Variants in ANKIB1 observed in about 807,000 individuals in gnomAD.
ANKIB1 encodes ankyrin repeat and IBR domain containing 1, also known as ankyrin repeat and IBR domain-containing protein 1.
Under a neutral mutation model 122.1 loss-of-function variants are expected in ANKIB1, and 43 were observed. The observed-to-expected ratio is 0.35, with a 90% confidence interval of 0.28 to 0.45. The LOEUF (loss-of-function observed/expected upper bound fraction) is 0.45. Among genes scored for constraint, ANKIB1 ranks in the 20% least tolerant of loss-of-function variants. The probability of loss-of-function intolerance (pLI) is 1.00; values close to 1 mark genes in which losing one functional copy is unlikely to be tolerated. For missense variants in ANKIB1, 992 were observed against 1,329.5 expected (o/e 0.75, Z 3.95); for synonymous variants, 390 against 442.0 (o/e 0.88, Z 1.48).
chr7:92,360,047 A>G (rs566434410), intron 9 of ANKIB1, among the ~76,000 whole-genome samples: 1 of 152,116 alleles, frequency 6.6e-6, no homozygotes, highest in Non-Finnish European at 1.5e-5. Context: ...TAAGGAAAGT[A>G]AATTACCCTT....
intron 5 of ANKIB1, among the ~76,000 whole-genome samples, chr7:92,340,193 G>T (rs540597099): frequency 6.6e-6 from 1 of 152,014 alleles, no homozygotes; most frequent in East Asian, 1.9e-4. Context: ...CTGTTTCTCT[G>T]AACTCTGAGC....
chr7:92,380,352 C>A (rs1804484323), intron 11 of ANKIB1, among the ~76,000 whole-genome samples: 1 of 152,166 alleles, frequency 6.6e-6, no homozygotes, highest in African/African-American at 2.4e-5. Context: ...ACTTTGATGT[C>A]CCTGTCCGAC....
chr7:92,330,203 G>A (rs1397962836), intron 5 of ANKIB1, among the ~76,000 whole-genome samples: 1 of 152,056 alleles, frequency 6.6e-6, no homozygotes, highest in Non-Finnish European at 1.5e-5. Context: ...GCATATATGT[G>A]TCATACACTT....
chr7:92,248,682 A>G (rs929012975), intron 1 of ANKIB1, among the ~76,000 whole-genome samples: 1 of 152,070 alleles, frequency 6.6e-6, no homozygotes, highest in Non-Finnish European at 1.5e-5. Flanking sequence ...GCCAAAAAGG[A>G]TTTGGGAGTG....
intron 1 of ANKIB1, among the ~76,000 whole-genome samples, chr7:92,287,169 G>A (rs1226381263): frequency 6.6e-6 from 1 of 152,202 alleles, no homozygotes; most frequent in African/African-American, 2.4e-5. Flanking sequence ...GTTATCAAAA[G>A]TAAGAAATTA....
intron 2 of ANKIB1, among the ~76,000 whole-genome samples, chr7:92,302,270 G>A (rs1183793878): frequency 6.6e-6 from 1 of 152,158 alleles, no homozygotes; most frequent in Non-Finnish European, 1.5e-5. Flanking sequence ...TGTAGGCAAA[G>A]GTAGATATTC....
chr7:92,354,934 A>T (rs927550857), intron 9 of ANKIB1, among the ~76,000 whole-genome samples: 1 of 152,240 alleles, frequency 6.6e-6, no homozygotes, highest in Non-Finnish European at 1.5e-5. Flanking sequence ...TGACTACAAA[A>T]ACAACAAACG....
chr7:92,377,531 T>C (rs528284617), intron 11 of ANKIB1, among the ~76,000 whole-genome samples: 28 of 152,182 alleles, frequency 1.8e-4, no homozygotes, highest in Non-Finnish European at 3.4e-4. Flanking sequence ...GTAGACCTTC[T>C]TCATGGAGGG....
At chr7:92,377,877 C>T (rs1037907948) in intron 11 of ANKIB1, among the ~76,000 whole-genome samples, 3 of 151,464 alleles carry the variant, frequency 2.0e-5, no homozygotes, top group Non-Finnish European at 4.4e-5. Flanking sequence ...GATAGTTTCA[C>T]GATAGAATTT....
At chr7:92,344,194 T>G (rs1170740661) in intron 6 of ANKIB1, among the ~76,000 whole-genome samples, 2 of 29,714 alleles carry the variant, frequency 6.7e-5, no homozygotes, top group Non-Finnish European at 1.5e-4. Flanking sequence ...GTGTTTTTGG[T>G]TTTTTTTTTT....
At chr7:92,397,959 C>A in intron 19 of ANKIB1, 100 bp downstream of exon 19, 1 of 1,442,392 alleles carries the variant, frequency 6.9e-7, no homozygotes, top group Non-Finnish European at 9.3e-7. Flanking sequence ...TTCTTCCTTC[C>A]ATTCTAAAAT....
intron 2 of ANKIB1, among the ~76,000 whole-genome samples, chr7:92,301,718 A>T (rs573794664): frequency 1.7e-4 from 26 of 152,230 alleles, no homozygotes; most frequent in Non-Finnish European, 3.2e-4. Flanking sequence ...CTTTTACATC[A>T]TGTCTAATAA....
intron 1 of ANKIB1, among the ~76,000 whole-genome samples, chr7:92,256,148 C>T (rs954624172): frequency 6.6e-6 from 1 of 152,102 alleles, no homozygotes; most frequent in African/African-American, 2.4e-5. Context: ...TTACCGTTTT[C>T]AGGAGGAATT....
chr7:92,265,506 C>T (rs1202642750), intron 1 of ANKIB1, among the ~76,000 whole-genome samples: 1 of 152,216 alleles, frequency 6.6e-6, no homozygotes, highest in African/African-American at 2.4e-5. Flanking sequence ...GAATACTATT[C>T]TAATGCAGCT....
At chr7:92,348,278 G>T (rs1433223016) in intron 7 of ANKIB1, among the ~76,000 whole-genome samples, 1 of 151,962 alleles carries the variant, frequency 6.6e-6, no homozygotes, top group Non-Finnish European at 1.5e-5. Context: ...TTTGACAAGG[G>T]ACTATACAAC....
intron 1 of ANKIB1, among the ~76,000 whole-genome samples, chr7:92,266,736 C>A (rs1434121751): frequency 6.6e-6 from 1 of 152,088 alleles, no homozygotes; most frequent in Non-Finnish European, 1.5e-5. Flanking sequence ...AGAAGCCATC[C>A]CCCAGGATCC....
chr7:92,398,961 C>G lies in ANKIB1; in HGVS notation c.*12C>G, dbSNP rs747759854. ...TACATTTAGTGTGAACTGCACACAT[C>G]TGGGCTCTAAATGAATTACAGGTAC... On this transcript the variant is annotated 3_prime_UTR_variant, in exon 20 of 20. Transcript: ENST00000265742. The G allele has an allele frequency of 2.0e-6, 3 of 1,533,262 alleles. No individual in the cohort carries two copies. Among genetic ancestry groups the G allele is most frequent in the South Asian group, 2.6e-5 (2 of 76,694 alleles). The allele number at this position is 1,533,262 out of a possible 1,614,324, so 95.0% of individuals were successfully genotyped here.
At chr7:92,295,948 G>A (rs1363465995) in intron 2 of ANKIB1, among the ~76,000 whole-genome samples, 4 of 152,128 alleles carry the variant, frequency 2.6e-5, no homozygotes, top group Non-Finnish European at 5.9e-5. Context: ...ATAGGAGTCT[G>A]ATGCTGGAAG....
chr7:92,397,619 G>A (rs1478842196), intron 18 of ANKIB1, 104 bp from the exon 19 acceptor site: 1 of 1,274,120 alleles, frequency 7.8e-7, no homozygotes, highest in Admixed American at 1.9e-5. Flanking sequence ...GTTTTCCCCA[G>A]CACTGAAAGA....
Sources: gnomAD v4.1 joint callset for allele counts (sites outside exome capture counted in the v4.1 genomes callset) on GRCh38, gnomAD v4.1.1 for gene constraint, MANE v1.5 for transcripts, NCBI Gene and HGNC (gene_info 2026-07-23, HGNC 2026-07-21) for gene names.